Variants in AGR2 observed in about 807,000 individuals in gnomAD.
AGR2 encodes anterior gradient protein 2 homolog.
Under a neutral mutation model 25.9 loss-of-function variants are expected in AGR2, and 27 were observed. The observed-to-expected ratio is 1.04, with a 90% CI of 0.77 to 1.44. The LOEUF (loss-of-function observed/expected upper bound fraction) is 1.44. AGR2 is among the 40% of genes most tolerant of loss of function. The pLI is 0.00. For missense variants in AGR2, 182 were observed against 200.9 expected, an observed-to-expected ratio of 0.91 and a Z score of 0.57; for synonymous variants, 78 against 72.0, an observed-to-expected ratio of 1.08 and a Z score of -0.42.
At chr7:16,801,410 G>C in intron 2 of AGR2, 27 bp from the exon 3 acceptor site, 1 of 1,602,762 alleles carries the variant, frequency 6.2e-7, no homozygotes. Context: ...CAGTATATTT[G>C]AAGCTTGTAT....
chr7:16,801,555 A>C, intron 2 of AGR2, 103 bp downstream of exon 2: 1 of 1,493,348 alleles, frequency 6.7e-7, no homozygotes, highest in South Asian at 1.1e-5. Flanking sequence ...AACACAACCA[A>C]AAATAACCTG....
rs992464419 is a variant in AGR2 at position 16,801,037 on chromosome 7, A to C, written c.256+114T>G. On this transcript the variant is annotated intron_variant, in intron 4 of 7. Coordinates refer to ENST00000419304, the MANE Select transcript of AGR2 (RefSeq NM_006408.4). ...TTTTAAATATGTTTTTACTATATAA[A>C]ATATTCTTTCTTTAATGCAACTGTG... 3 of 724,382 alleles carry C rather than the reference A, an allele frequency of 4.1e-6. No individual in the cohort carries two copies. In the Admixed American group the frequency reaches 8.6e-5, roughly 21 times the overall value. The allele number at this position is 724,382 out of a possible 1,614,324, so 44.9% of individuals were successfully genotyped here. A position where few individuals can be genotyped will look rare whatever the true frequency, so the allele number is the denominator to read the frequency against.
chr7:16,802,089 C>A lies in AGR2; in HGVS notation c.-7-286G>T, dbSNP rs563498916. Among the ~76,000 whole-genome samples, 151 of 151,924 alleles carry A rather than the reference C, an allele frequency of 9.9e-4. 1 individual carries two copies. The South Asian group carries it at 0.013, about 13-fold the overall frequency. On this transcript the variant is annotated intron_variant, in intron 1 of 7. Coordinates refer to ENST00000419304, the MANE Select transcript of AGR2 (RefSeq NM_006408.4). The stretch of plus-strand genomic sequence containing the variant: ...TCCTTTCCCAGGGTTTTACTTTCTG[C>A]GGTTTCAGCTAACCACGGTCAACCG...
rs1053918518 is a variant in AGR2, at chr7:16,792,179, G to A, written c.*729C>T. 1.3e-5 allele frequency: 2 copies of A among 152,152 alleles called. No individual in the cohort carries two copies. Among genetic ancestry groups the A allele is most frequent in the African/African-American group, 4.8e-5 (2 of 41,426 alleles). 9.4% of individuals were successfully genotyped at this position (152,152 alleles called of 1,614,324 possible). ...ACTTTAGGACCTTGACAGACAAATC[G>A]ATTACAAGGTCAATTCCCAGGATTT... On this transcript the variant is annotated 3_prime_UTR_variant, in exon 8 of 8. Coordinates refer to ENST00000419304, the MANE Select transcript of AGR2 (RefSeq NM_006408.4).
chr7:16,793,743 C>A (rs1457961193), intron 7 of AGR2, among the ~76,000 whole-genome samples: 1 of 152,184 alleles, frequency 6.6e-6, no homozygotes, highest in African/African-American at 2.4e-5. Context: ...TGCTCAAGGT[C>A]ACACAGCTAA....
chr7:16,797,580 T>A (rs775937115), intron 6 of AGR2, 51 bp downstream of exon 6: 2 of 1,536,472 alleles, frequency 1.3e-6, no homozygotes, highest in Non-Finnish European at 1.8e-6. Flanking sequence ...AGAAGGAGGA[T>A]GGCAGCACTA....
At chr7:16,795,449 C>T (rs560227419) in intron 6 of AGR2, among the ~76,000 whole-genome samples, 31 of 148,260 alleles carry the variant, frequency 2.1e-4, no homozygotes, top group South Asian at 1.1e-3. Context: ...GTTTTCAAAA[C>T]GAGTTTTTTA....
chr7:16,801,914 G>A (rs1785153370), intron 1 of AGR2, 111 bp from the exon 2 acceptor site: 2 of 861,866 alleles, frequency 2.3e-6, no homozygotes, highest in Non-Finnish European at 3.5e-6. Flanking sequence ...GCTCTGCTGA[G>A]ACTGGACATA....
chr7:16,793,285 G>A (rs1583803763), intron 7 of AGR2, among the ~76,000 whole-genome samples: 1 of 152,180 alleles, frequency 6.6e-6, no homozygotes, highest in East Asian at 1.9e-4. Flanking sequence ...CTGAGCTCAA[G>A]TGATCCACAC....
intron 1 of AGR2, among the ~76,000 whole-genome samples, chr7:16,802,345 G>A (rs551790099): frequency 4.8e-4 from 73 of 152,258 alleles, no homozygotes; most frequent in Admixed American, 2.0e-3. Flanking sequence ...CATCCACTGA[G>A]GGTCATGGAC....
At chr7:16,804,758 G>A (rs1162043646) in intron 1 of AGR2, among the ~76,000 whole-genome samples, 177 bp downstream of exon 1, 1 of 150,090 alleles carries the variant, frequency 6.7e-6, no homozygotes, top group African/African-American at 2.5e-5. Context: ...TCTAGCCAAA[G>A]AAAGGCCCCA....
chr7:16,792,897 A>AT lies in AGR2; in HGVS notation c.*10dup, dbSNP rs750452130. On this transcript the variant is annotated 3_prime_UTR_variant, in exon 8 of 8. Coordinates refer to ENST00000419304, the MANE Select transcript of AGR2 (RefSeq NM_006408.4). ...GCCTGACAGACAGAAGGGCTTGGAG[A>AT]TTTTTTTTCTTTACAATTCAGTCTT... The AT allele has an allele frequency of 2.0e-5, 32 of 1,611,644 alleles. No homozygotes were observed. Among genetic ancestry groups the AT allele is most frequent in the Middle Eastern group, 1.6e-4 (1 of 6,076 alleles).
At chr7:16,799,489 A>G (rs1785105432) in intron 5 of AGR2, 1 of 411,614 alleles carries the variant, frequency 2.4e-6, no homozygotes, top group Non-Finnish European at 4.3e-6. Flanking sequence ...AAAACCTTCC[A>G]GCAACAGAAA....
At chr7:16,793,650 A>G (rs1021846231) in intron 7 of AGR2, among the ~76,000 whole-genome samples, 2 of 152,252 alleles carry the variant, frequency 1.3e-5, no homozygotes, top group African/African-American at 4.8e-5. Context: ...TGCTTTATGC[A>G]GATGAATTCT....
At chr7:16,802,900 G>A (rs1417284928) in intron 1 of AGR2, among the ~76,000 whole-genome samples, 3 of 152,034 alleles carry the variant, frequency 2.0e-5, no homozygotes, top group Admixed American at 6.5e-5. Context: ...TGGCACAATC[G>A]TGGCTCACTG....
rs973185419 is a variant in AGR2, at chr7:16,799,553, A to C, written c.330+191T>G. 9 of 521,628 alleles carry C rather than the reference A, an allele frequency of 1.7e-5. No homozygotes were observed. The Admixed American group carries it at 3.1e-4, about 18-fold the overall frequency. The allele number at this position is 521,628 out of a possible 1,614,324, so 32.3% of individuals were successfully genotyped here. On this transcript the variant is annotated intron_variant, in intron 5 of 7. Transcript: ENST00000419304. ...AGACAAACTAAGATGATTAATTACT[A>C]AATAAAAACAGACACACCAAATGGA...
At chr7:16,802,623 A>G (rs1785167559) in intron 1 of AGR2, among the ~76,000 whole-genome samples, 3 of 152,194 alleles carry the variant, frequency 2.0e-5, no homozygotes, top group Admixed American at 2.0e-4. Flanking sequence ...ACCATCATAA[A>G]GTCAAAAAAT....
intron 1 of AGR2, among the ~76,000 whole-genome samples, chr7:16,802,600 G>A (rs888621553): frequency 6.6e-5 from 10 of 152,156 alleles, no homozygotes; most frequent in African/African-American, 1.9e-4. Flanking sequence ...TACTGAATGT[G>A]TATTGCTTTT....
chr7:16,798,051 G>C (rs560814001), intron 5 of AGR2, among the ~76,000 whole-genome samples: 1 of 152,196 alleles, frequency 6.6e-6, no homozygotes, highest in Non-Finnish European at 1.5e-5. Flanking sequence ...GGATTTTCTT[G>C]AGTATTCATT....
Sources: gnomAD v4.1 joint callset for allele counts (sites outside exome capture counted in the v4.1 genomes callset) on GRCh38, gnomAD v4.1.1 for gene constraint, MANE v1.5 for transcripts, NCBI Gene and HGNC (gene_info 2026-07-23, HGNC 2026-07-21) for gene names.